The following CATSPERE variants were observed in gnomAD, a reference collection of about 807,000 sequenced individuals.
The protein encoded by CATSPERE is cation channel sperm-associated auxiliary subunit epsilon.
CATSPERE carries 93 observed loss-of-function variants against 114.1 expected under a neutral mutation model. The ratio of observed to expected loss-of-function variants is 0.81; its 90% CI spans 0.69 to 0.97. CATSPERE has a LOEUF of 0.97. Among genes scored for constraint, CATSPERE ranks in the 50% least tolerant of loss-of-function variants. The probability of loss-of-function intolerance (pLI) is 0.00; values close to 1 mark genes in which losing one functional copy is unlikely to be tolerated. For synonymous variants in CATSPERE, 341 were observed against 384.1 expected (o/e 0.89, Z 1.31); for missense variants, 1,058 against 1,131.6 (o/e 0.93, Z 0.93).
chr1:244,630,574 G>C (rs534651739), intron 20 of CATSPERE, among the ~76,000 whole-genome samples: 1 of 152,200 alleles, frequency 6.6e-6, no homozygotes, highest in East Asian at 1.9e-4. Context: ...ATCAGTCTTC[G>C]GAACAGTTCA....
At chr1:244,543,243 A>G (rs1659154168) in intron 8 of CATSPERE, among the ~76,000 whole-genome samples, 1 of 152,168 alleles carries the variant, frequency 6.6e-6, no homozygotes, top group Non-Finnish European at 1.5e-5. Context: ...GTCCATCAGA[A>G]GATGCATGGA....
chr1:244,575,459 C>T lies in CATSPERE; in HGVS notation c.1950+2687C>T, dbSNP rs1396746163. ...TTCCTGCTCAGCTCTAACTTGCAGGCGTCCATGGCCAGCTGTCCTCCGAGG... is the reference window on the plus strand; with the variant it reads ...TTCCTGCTCAGCTCTAACTTGCAGGTGTCCATGGCCAGCTGTCCTCCGAGG... On this transcript the variant is annotated intron_variant, in intron 11 of 21. Coordinates refer to ENST00000366534, the MANE Select transcript of CATSPERE (RefSeq NM_001130957.2). This position sits in a 1 kb window ranked among gnomAD's most constrained non-coding sequence, Gnocchi z 4.5. 1.3e-5 allele frequency among the ~76,000 whole-genome samples: 2 copies of T among 152,208 alleles called. No homozygotes were observed. The highest frequency in any genetic ancestry group is 2.1e-4 in the South Asian group (1 of 4,838).
chr1:244,456,586 T>C (rs1165587256), upstream of CATSPERE, among the ~76,000 whole-genome samples: 1 of 152,186 alleles, frequency 6.6e-6, no homozygotes, highest in Non-Finnish European at 1.5e-5. Flanking sequence ...AAATAAAATG[T>C]CATGAAAATA....
chr1:244,555,103 C>G (rs10927258), intron 9 of CATSPERE, among the ~76,000 whole-genome samples: 18,904 of 152,070 alleles, frequency 0.12, 2,028 homozygotes, highest in African/African-American at 0.29. Flanking sequence ...ATTCAACAAA[C>G]TGGCCAGGCA....
intron 9 of CATSPERE, among the ~76,000 whole-genome samples, chr1:244,553,819 C>T (rs1379271557): frequency 6.6e-6 from 1 of 152,058 alleles, no homozygotes; most frequent in African/African-American, 2.4e-5. Flanking sequence ...TCTTTATACT[C>T]CCTCCCACGC....
Position 244,639,830 on chromosome 1 carries a change from G to A in CATSPERE, c.2703-98G>A. On this transcript the variant is annotated intron_variant, in intron 21 of 21. Coordinates refer to ENST00000366534, the MANE Select transcript of CATSPERE (RefSeq NM_001130957.2). The stretch of plus-strand genomic sequence containing the variant: ...TTATTCACCTTTGCTCTCTGTCAAT[G>A]GCATAGTAGCTAGCTATTCAAAAAG... The A allele has an allele frequency of 5.4e-6, 6 of 1,106,090 alleles. 1 individual carries two copies. The South Asian group carries it at 8.8e-5, about 16-fold the overall frequency. 68.5% of individuals were successfully genotyped at this position (1,106,090 alleles called of 1,614,324 possible). A position where few individuals can be genotyped will look rare whatever the true frequency, so the allele number is the denominator to read the frequency against.
intron 20 of CATSPERE, among the ~76,000 whole-genome samples, chr1:244,629,180 G>A (rs1313795839): frequency 6.6e-6 from 1 of 152,172 alleles, no homozygotes; most frequent in African/African-American, 2.4e-5. Context: ...CAGTCACACA[G>A]CTTCCTCCTC....
intron 9 of CATSPERE, among the ~76,000 whole-genome samples, chr1:244,553,616 C>CACACACACACACACATATATATACAT: frequency 7.7e-6 from 1 of 130,220 alleles, no homozygotes; most frequent in Admixed American, 7.3e-5. Context: ...CACACACACA[C>CACACACACACACACATATATATACAT]ACACACACAC....
At position 244,623,664 on chromosome 1, in the gene CATSPERE, TGTAG is replaced by T. The variant is rs750610994; in HGVS notation, c.2648+5981_2648+5984del. On this transcript the variant is annotated intron_variant, in intron 20 of 21. Coordinates refer to ENST00000366534, the MANE Select transcript of CATSPERE (RefSeq NM_001130957.2). ...AAATACAGGCGCACCCCAGAGATAC[TGTAG>T]GTTTAGTTCCAGACCCCTGCCGTAA... Among the ~76,000 whole-genome samples, 4 of 152,214 alleles carry T rather than the reference TGTAG, an allele frequency of 2.6e-5. No homozygotes were observed. In the East Asian group the frequency reaches 5.8e-4, roughly 22 times the overall value.
At chr1:244,490,515 G>A in intron 6 of CATSPERE, 44 bp downstream of exon 6, 1 of 1,121,304 alleles carries the variant, frequency 8.9e-7, no homozygotes, top group Non-Finnish European at 1.3e-6. Flanking sequence ...TATATCACTA[G>A]TATATTGTTT....
At chr1:244,542,165 A>AG (rs971395934) in intron 8 of CATSPERE, among the ~76,000 whole-genome samples, 2 of 151,458 alleles carry the variant, frequency 1.3e-5, no homozygotes, top group African/African-American at 4.8e-5. Flanking sequence ...AAAAAAAAAA[A>AG]AAAAAGTAGA....
At chr1:244,512,206 A>G (rs1675891543) in intron 7 of CATSPERE, among the ~76,000 whole-genome samples, 1 of 152,190 alleles carries the variant, frequency 6.6e-6, no homozygotes, top group African/African-American at 2.4e-5. Context: ...GGTATCCCAT[A>G]TGTCATATAG....
intron 8 of CATSPERE, among the ~76,000 whole-genome samples, chr1:244,521,463 A>C (rs999006939): frequency 9.2e-5 from 14 of 152,232 alleles, no homozygotes; most frequent in Admixed American, 3.9e-4. Context: ...TAAATGTTTT[A>C]ATGTAATTTA....
At position 244,601,765 on chromosome 1, in the gene CATSPERE, C is replaced by T. The variant is rs942289701; in HGVS notation, c.2304-3930C>T. On this transcript the variant is annotated intron_variant, in intron 17 of 21. Coordinates refer to ENST00000366534, the MANE Select transcript of CATSPERE (RefSeq NM_001130957.2). Reference sequence around the variant, plus strand: ...GTCAGGAGTTCGAAACCAGCCTGGCCAACATGGTGAAACCCCGTCTCTACT... The same window carrying T: ...GTCAGGAGTTCGAAACCAGCCTGGCTAACATGGTGAAACCCCGTCTCTACT... Among the ~76,000 whole-genome samples the T allele has an allele frequency of 3.3e-5, 5 of 152,074 alleles. 1 individual carries two copies. Among genetic ancestry groups the T allele is most frequent in the South Asian group, 2.1e-4 (1 of 4,820 alleles).
Position 244,610,561 on chromosome 1 carries a change from G to T in CATSPERE, c.2490+235G>T, listed in dbSNP as rs952087358. 4.4e-5 allele frequency: 26 copies of T among 590,012 alleles called. No individual in the cohort carries two copies. The Admixed American group carries it at 6.2e-4, about 14-fold the overall frequency. The allele number at this position is 590,012 out of a possible 1,614,324, so 36.5% of individuals were successfully genotyped here. A position where few individuals can be genotyped will look rare whatever the true frequency, so the allele number is the denominator to read the frequency against. ...TTTTCACTGCTGTAAATATGTGTTT[G>T]CAGATTATTAAATATGTGTTAAACA... On this transcript the variant is annotated intron_variant, in intron 19 of 21. Coordinates refer to ENST00000366534, the MANE Select transcript of CATSPERE (RefSeq NM_001130957.2).
intron 8 of CATSPERE, among the ~76,000 whole-genome samples, chr1:244,543,717 CT>C (rs1659263120): frequency 6.7e-6 from 1 of 149,282 alleles, no homozygotes; most frequent in Non-Finnish European, 1.5e-5. Flanking sequence ...GCATTCAGCC[CT>C]TTTTTCCAGC....
chr1:244,452,146 G>T (rs959389244), upstream of CATSPERE: 4 of 211,022 alleles, frequency 1.9e-5, no homozygotes, highest in Non-Finnish European at 3.7e-5. Flanking sequence ...CAAACCTCGC[G>T]AGCGGAAAAG....
chr1:244,592,058 C>T (rs375457246), intron 15 of CATSPERE, among the ~76,000 whole-genome samples: 155 of 152,218 alleles, frequency 1.0e-3, no homozygotes, highest in African/African-American at 3.6e-3. Flanking sequence ...TCAAATTCTA[C>T]ATGACTGAAG....
chr1:244,499,107 G>C, intron 7 of CATSPERE, 28 bp downstream of exon 7: 1 of 1,528,872 alleles, frequency 6.5e-7, no homozygotes, highest in South Asian at 1.1e-5. Flanking sequence ...TATCGTCATA[G>C]TAAGAACAGA....
Sources: allele counts gnomAD v4.1 joint callset (sites outside exome capture counted in the v4.1 genomes callset), GRCh38; gene constraint gnomAD v4.1.1; non-coding constraint Gnocchi (gnomAD v3.1); transcripts MANE v1.5; gene names NCBI Gene and HGNC (gene_info 2026-07-23, HGNC 2026-07-21).